Variants in POP1 observed in about 807,000 individuals in gnomAD.
POP1 encodes the protein ribonucleases P/MRP protein subunit POP1.
In POP1, 75 loss-of-function variants were observed where a neutral mutation model predicts 102.2. The ratio of observed to expected loss-of-function variants is 0.73; its 90% CI spans 0.61 to 0.89. The LOEUF (loss-of-function observed/expected upper bound fraction) is 0.89. POP1 is among the 40% of genes least tolerant of loss of function. The pLI, the probability that POP1 is intolerant of heterozygous loss-of-function variation, is 0.00. For synonymous variants in POP1, 436 were observed against 464.1 expected, an observed-to-expected ratio of 0.94 and a Z score of 0.78; for missense variants, 1,116 against 1,267.4, an observed-to-expected ratio of 0.88 and a Z score of 1.81.
rs753160965 is a variant in POP1, at chr8:98,157,965, A to G, written c.2769A>G (p.Pro923=). The G allele has an allele frequency of 3.1e-6, 5 of 1,613,602 alleles. No homozygotes were observed. The African/African-American group carries it at 6.7e-5, about 22-fold the overall frequency. The change falls in exon 16 of 16, where the codon CCA becomes CCG. Residue 923 remains proline, a synonymous_variant. Coordinates refer to ENST00000401707, the MANE Select transcript of POP1 (RefSeq NM_001145860.2). ...EKKKREKRQK[P]GRASSDGPAG... Reference sequence around the variant, plus strand: ...AGAAAAGGGAGAAGAGGCAGAAGCCAGGACGTGCCTCTTCTGATGGCCCGG... The same window carrying G: ...AGAAAAGGGAGAAGAGGCAGAAGCCGGGACGTGCCTCTTCTGATGGCCCGG...
chr8:98,134,393 A>G (rs1037931590), intron 6 of POP1, 79 bp from the exon 7 acceptor site: 1 of 1,432,668 alleles, frequency 7.0e-7, no homozygotes, highest in African/African-American at 1.4e-5. Context: ...GCAGACAGTA[A>G]ATGACAGTGT....
At chr8:98,122,912 A>G (rs528372520) in intron 1 of POP1, among the ~76,000 whole-genome samples, 1 of 152,206 alleles carries the variant, frequency 6.6e-6, no homozygotes, top group Non-Finnish European at 1.5e-5. Context: ...TCAAATTGAA[A>G]TCATTATCTA....
chr8:98,119,366 C>G (rs558575864), intron 1 of POP1, among the ~76,000 whole-genome samples: 1 of 152,206 alleles, frequency 6.6e-6, no homozygotes, highest in African/African-American at 2.4e-5. Context: ...TAGACATCAT[C>G]TAGTTAGTTC....
intron 3 of POP1, 85 bp from the exon 4 acceptor site, chr8:98,128,280 T>C: frequency 7.6e-7 from 1 of 1,317,568 alleles, no homozygotes; most frequent in Non-Finnish European, 1.1e-6. Context: ...GTGGAGGAAT[T>C]CAGTTAAGTT....
chr8:98,139,593 G>A (rs1816648638), intron 9 of POP1, among the ~76,000 whole-genome samples: 1 of 152,138 alleles, frequency 6.6e-6, no homozygotes. Flanking sequence ...TGGGCATGGT[G>A]GCATGTGACT....
At position 98,127,590 on chromosome 8, in the gene POP1, A is replaced by G. The variant is rs1253137363; in HGVS notation, c.143-5A>G. 3 of 1,614,010 alleles carry G rather than the reference A, an allele frequency of 1.9e-6. No homozygotes were observed. In the South Asian group the frequency reaches 3.3e-5, roughly 18 times the overall value. On this transcript the variant is annotated splice_polypyrimidine_tract_variant and splice_region_variant and intron_variant, in intron 2 of 15. Transcript: ENST00000401707. Reference sequence around the variant, plus strand: ...GTGACATGTTTCTTTTTGAAAATATACTAGAGCCTCATCCTGGAACTTCAC... The same window carrying G: ...GTGACATGTTTCTTTTTGAAAATATGCTAGAGCCTCATCCTGGAACTTCAC...
chr8:98,124,522 C>T (rs911054214), intron 2 of POP1, among the ~76,000 whole-genome samples: 5 of 151,526 alleles, frequency 3.3e-5, no homozygotes, highest in Non-Finnish European at 7.4e-5. Flanking sequence ...GATCGTGCCA[C>T]TGCACTCCAG....
chr8:98,135,327 C>A (rs931902398), intron 7 of POP1, among the ~76,000 whole-genome samples: 2 of 151,566 alleles, frequency 1.3e-5, no homozygotes, highest in African/African-American at 2.4e-5. Context: ...AAGTCATAAG[C>A]AGAAGTAGAG....
chr8:98,141,960 G>C (rs373484424), intron 11 of POP1, among the ~76,000 whole-genome samples: 4 of 152,150 alleles, frequency 2.6e-5, no homozygotes, highest in South Asian at 2.1e-4. Context: ...TTGGATGAGA[G>C]AGGAGTTTGA....
At position 98,127,718 on chromosome 8, in the gene POP1, C is replaced by G; in HGVS notation, c.266C>G (p.Ala89Gly). ...GMFRKKGGWKAGPEGTSQEIP... is the reference protein window; with the variant it reads ...GMFRKKGGWKGGPEGTSQEIP... ...TTTAGAAAAAAGGGAGGATGGAAAG[C>G]AGGTCCCGAGGGCACGTCTCAGGAG... The change falls in exon 3 of 16, where the codon GCA (alanine) becomes GGA (glycine). Residue 89 changes from alanine (A) to glycine (G), a missense_variant. Coordinates refer to ENST00000401707, the MANE Select transcript of POP1 (RefSeq NM_001145860.2). 6.2e-7 allele frequency: 1 copy of G among 1,614,074 alleles called. No homozygotes were observed. Among genetic ancestry groups the G allele is most frequent in the Non-Finnish European group, 8.5e-7 (1 of 1,180,002 alleles).
chr8:98,147,208 G>C (rs1809379013), intron 12 of POP1, among the ~76,000 whole-genome samples: 1 of 152,186 alleles, frequency 6.6e-6, no homozygotes, highest in African/African-American at 2.4e-5. Flanking sequence ...CCTCTAGAAG[G>C]GGTACTGAGC....
intron 13 of POP1, among the ~76,000 whole-genome samples, chr8:98,149,492 C>G (rs1362862934): frequency 6.6e-6 from 1 of 151,972 alleles, no homozygotes; most frequent in Non-Finnish European, 1.5e-5. Flanking sequence ...TGTGGTGGCT[C>G]ACTCCTGTAA....
chr8:98,128,997 T>C (rs934326285), intron 4 of POP1, among the ~76,000 whole-genome samples: 4 of 152,204 alleles, frequency 2.6e-5, no homozygotes, highest in African/African-American at 9.7e-5. Context: ...ATTTAATCAT[T>C]ATCCAAACTT....
chr8:98,135,058 A>G (rs76690475), intron 7 of POP1, among the ~76,000 whole-genome samples: 11,085 of 152,184 alleles, frequency 0.073, 623 homozygotes, highest in Middle Eastern at 0.16. Context: ...CAGTTGGATC[A>G]CTTGAATCCA....
At chr8:98,138,054 T>C (rs1816599301) in intron 9 of POP1, among the ~76,000 whole-genome samples, 1 of 152,238 alleles carries the variant, frequency 6.6e-6, no homozygotes, top group South Asian at 2.1e-4. Flanking sequence ...TGCTGTACTC[T>C]CAACCAGTGT....
At chr8:98,155,553 G>A (rs1809623945) in intron 14 of POP1, among the ~76,000 whole-genome samples, 1 of 151,644 alleles carries the variant, frequency 6.6e-6, no homozygotes, top group Non-Finnish European at 1.5e-5. Flanking sequence ...AAAGTGCTGG[G>A]ATTACAAGCA....
chr8:98,147,282 TG>T (rs1056341217), intron 12 of POP1, among the ~76,000 whole-genome samples: 1 of 152,066 alleles, frequency 6.6e-6, no homozygotes, highest in African/African-American at 2.4e-5. Context: ...GACTCTCAGA[TG>T]GGAGCCAGAA....
At chr8:98,120,222 C>A (rs531254347) in intron 1 of POP1, among the ~76,000 whole-genome samples, 4 of 152,342 alleles carry the variant, frequency 2.6e-5, no homozygotes, top group African/African-American at 9.6e-5. Flanking sequence ...GCCAGTTCTG[C>A]AGAACTCCAT....
In POP1 at chr8:98,158,524, T is replaced by A. The variant is rs1266104641; in HGVS notation, c.*253T>A. On this transcript the variant is annotated 3_prime_UTR_variant, in exon 16 of 16. Coordinates refer to ENST00000401707, the MANE Select transcript of POP1 (RefSeq NM_001145860.2). ...AAAGCTTTGTATTATGATCTCTTGGTCTGTGTAGTTGTGGCTGAAAATAAT... is the reference window on the plus strand; with the variant it reads ...AAAGCTTTGTATTATGATCTCTTGGACTGTGTAGTTGTGGCTGAAAATAAT... 2.1e-6 allele frequency: 1 copy of A among 477,942 alleles called. No individual in the cohort carries two copies. Among genetic ancestry groups the A allele is most frequent in the African/African-American group, 2.0e-5 (1 of 50,942 alleles). 29.6% of individuals were successfully genotyped at this position (477,942 alleles called of 1,614,324 possible).
Sources: allele counts gnomAD v4.1 joint callset (sites outside exome capture counted in the v4.1 genomes callset), GRCh38; gene constraint gnomAD v4.1.1; transcripts MANE v1.5; gene names NCBI Gene and HGNC (gene_info 2026-07-23, HGNC 2026-07-21).